The following CSMD3 variants were observed in gnomAD, a reference collection of about 807,000 sequenced individuals.
CSMD3 encodes CUB and Sushi multiple domains 3.
A neutral mutation model predicts 435.2 loss-of-function variants in CSMD3; 177 were observed. The ratio of observed to expected loss-of-function variants is 0.41; its 90% confidence interval spans 0.36 to 0.46. The LOEUF (loss-of-function observed/expected upper bound fraction) is 0.46, where lower values mean the gene tolerates loss of function less well. Ranked by LOEUF, CSMD3 falls within the 20% of genes least tolerant of loss-of-function variation. The pLI is 0.34. For missense variants in CSMD3, 4,265 were observed against 4,504.6 expected, an observed-to-expected ratio of 0.95 and a Z score of 1.52; for synonymous variants, 1,656 against 1,520.5, an observed-to-expected ratio of 1.09 and a Z score of -2.07.
chr8:113,042,940 T>G (rs1026540838), intron 5 of CSMD3, among the ~76,000 whole-genome samples: 3 of 152,196 alleles, frequency 2.0e-5, no homozygotes, highest in African/African-American at 7.2e-5. Flanking sequence ...TTATCATCAA[T>G]TATTATTTAC....
At chr8:112,296,554 A>T (rs1327506261) in intron 53 of CSMD3, among the ~76,000 whole-genome samples, 1 of 147,710 alleles carries the variant, frequency 6.8e-6, no homozygotes, top group Non-Finnish European at 1.5e-5. Flanking sequence ...CACCTCAAAA[A>T]AAAAATAAAT....
chr8:112,405,214 CATATATATATATATATATAT>C (rs71309768), intron 35 of CSMD3, among the ~76,000 whole-genome samples: 3 of 19,070 alleles, frequency 1.6e-4, no homozygotes, highest in Non-Finnish European at 2.4e-4. Flanking sequence ...AAAAAACCCC[CATATATATATATATATATAT>C]ATATATATAT....
rs1381559769 is a variant in CSMD3, at chr8:112,263,729, T to A, written c.9772A>T (p.Ile3258Phe). The A allele has an allele frequency of 1.2e-6, 2 of 1,613,834 alleles. No homozygotes were observed. Among genetic ancestry groups the A allele is most frequent in the Non-Finnish European group, 8.5e-7 (1 of 1,179,772 alleles). Residue 3258 changes from isoleucine to phenylalanine, a missense_variant, in exon 61 of 71, where the codon ATC becomes TTC. Transcript: ENST00000297405. ...GATAGCTCATAGCCTGGAGAACAGA[T>A]GTAGCTAATACTAAAGCCCCAGTCG... ...NFDWGFSISY[I>F]CSPGYELSFP...
chr8:112,815,273 CTTTA>C (rs2079341419), intron 12 of CSMD3, among the ~76,000 whole-genome samples: 2 of 152,010 alleles, frequency 1.3e-5, no homozygotes, highest in South Asian at 2.1e-4. Flanking sequence ...GTTGTTTTAA[CTTTA>C]TTTAGGGACA....
In CSMD3 at chr8:112,680,046, C is replaced by T. The variant is rs193107364; in HGVS notation, c.2677+2396G>A. Among the ~76,000 whole-genome samples, 427 of 152,288 alleles carry T rather than the reference C, an allele frequency of 2.8e-3. 5 individuals are homozygous for T. Among genetic ancestry groups the T allele is most frequent in the Non-Finnish European group, 1.3e-3 (86 of 68,018 alleles). On this transcript the variant is annotated intron_variant, in intron 16 of 70. Transcript: ENST00000297405. ...AAACACACTTTTCTCTCATTTCCTA[C>T]TGTTGCTTCAAATACTAATGTGTGG...
intron 14 of CSMD3, among the ~76,000 whole-genome samples, chr8:112,687,479 T>A (rs1489777538): frequency 6.6e-6 from 1 of 152,182 alleles, no homozygotes; most frequent in East Asian, 1.9e-4. Flanking sequence ...AAATAATTGT[T>A]CGCATTTCTT....
Position 112,313,903 on chromosome 8 carries a change from T to A in CSMD3, c.7696+3A>T. 1 of 1,605,910 alleles carries A rather than the reference T, an allele frequency of 6.2e-7. No individual in the cohort carries two copies. Among genetic ancestry groups the A allele is most frequent in the Non-Finnish European group, 8.5e-7 (1 of 1,172,938 alleles). Reference sequence around the variant, plus strand: ...CTGTCCTGAAGTTATAAGTTTTACATACCTATATATCTTATCCGGAAGCCT... The same window carrying A: ...CTGTCCTGAAGTTATAAGTTTTACAAACCTATATATCTTATCCGGAAGCCT... On this transcript the variant is annotated splice_donor_region_variant and intron_variant, in intron 49 of 70. Transcript: ENST00000297405.
At chr8:112,947,283 T>G (rs1042842572) in intron 9 of CSMD3, among the ~76,000 whole-genome samples, 6 of 151,908 alleles carry the variant, frequency 3.9e-5, no homozygotes, top group Middle Eastern at 3.4e-3. Flanking sequence ...ATTGATAAAA[T>G]TAATACTAAT....
intron 17 of CSMD3, 115 bp from the exon 18 acceptor site, chr8:112,656,456 T>C (rs541120855): frequency 1.3e-5 from 9 of 710,410 alleles, no homozygotes; most frequent in South Asian, 7.2e-5. Flanking sequence ...TATATTATAA[T>C]TTTCTTTAGC....
intron 6 of CSMD3, among the ~76,000 whole-genome samples, chr8:112,994,689 C>A (rs548848108): frequency 6.6e-6 from 1 of 151,476 alleles, no homozygotes; most frequent in South Asian, 2.1e-4. Flanking sequence ...GCTTTTTGTT[C>A]TATACTACAG....
intron 4 of CSMD3, among the ~76,000 whole-genome samples, chr8:113,124,305 A>G (rs1040146556): frequency 6.6e-6 from 1 of 152,040 alleles, no homozygotes; most frequent in Non-Finnish European, 1.5e-5. Flanking sequence ...AGGAATAAAC[A>G]TGATCAGTTT....
rs571343379 is a variant in CSMD3 at position 112,343,022 on chromosome 8, T to C, written c.6443-1336A>G. On this transcript the variant is annotated intron_variant, in intron 41 of 70. Transcript: ENST00000297405. ...ATATTTATATATATATATATTTATA[T>C]ATATATATATAGTTTAAATACATTG... 9.2e-4 allele frequency among the ~76,000 whole-genome samples: 127 copies of C among 137,640 alleles called. 3 individuals carry two copies. Among genetic ancestry groups the C allele is most frequent in the African/African-American group, 3.2e-3 (125 of 38,880 alleles). 90.3% of individuals were successfully genotyped at this position (137,640 alleles called of 152,430 possible).
intron 22 of CSMD3, 93 bp from the exon 23 acceptor site, chr8:112,587,328 T>C: frequency 1.1e-6 from 1 of 936,456 alleles, no homozygotes; most frequent in Non-Finnish European, 1.7e-6. Context: ...GCATTTTATT[T>C]TACCTAAAGC....
intron 22 of CSMD3, among the ~76,000 whole-genome samples, chr8:112,608,732 A>G (rs1442534063): frequency 6.6e-6 from 1 of 152,084 alleles, no homozygotes; most frequent in African/African-American, 2.4e-5. Flanking sequence ...CAAAGGCTCT[A>G]AGAATATATG....
At chr8:112,227,019 C>T (rs60533422) in intron 70 of CSMD3, among the ~76,000 whole-genome samples, 25,762 of 152,144 alleles carry the variant, frequency 0.17, 2,629 homozygotes, top group Middle Eastern at 0.33. Context: ...TTGATGGTTA[C>T]TCAGTAAATT....
intron 8 of CSMD3, among the ~76,000 whole-genome samples, chr8:112,951,162 G>GC (rs1415681986): frequency 5.9e-5 from 9 of 151,750 alleles, no homozygotes; most frequent in Admixed American, 5.3e-4. Context: ...TTTCAGAATT[G>GC]CCCATAGCTA....
chr8:113,121,959 A>G (rs1436073015), intron 4 of CSMD3, among the ~76,000 whole-genome samples: 3 of 152,168 alleles, frequency 2.0e-5, no homozygotes. Context: ...ATAGAAAAGA[A>G]CGTGATGTAT....
intron 2 of CSMD3, among the ~76,000 whole-genome samples, chr8:113,308,017 C>T (rs977594671): frequency 3.3e-5 from 5 of 152,040 alleles, no homozygotes; most frequent in Admixed American, 6.6e-5. Flanking sequence ...TTACCCATGG[C>T]TATAGAGTGT....
At chr8:112,915,011 G>T (rs917390790) in intron 10 of CSMD3, among the ~76,000 whole-genome samples, 1 of 151,878 alleles carries the variant, frequency 6.6e-6, no homozygotes, top group Non-Finnish European at 1.5e-5. Flanking sequence ...CTTTTTGCTA[G>T]TAGCACATAT....
Sources: gnomAD v4.1 joint callset for allele counts (sites outside exome capture counted in the v4.1 genomes callset) on GRCh38, gnomAD v4.1.1 for gene constraint, MANE v1.5 for transcripts, NCBI Gene and HGNC (gene_info 2026-07-23, HGNC 2026-07-21) for gene names.